The following TCF7L2 variants were observed in gnomAD, a reference collection of about 807,000 sequenced individuals.
The protein encoded by TCF7L2 is transcription factor 7 like 2.
A neutral mutation model predicts 77.9 loss-of-function variants in TCF7L2; 23 were observed. The observed-to-expected ratio is 0.30, with a 90% CI of 0.21 to 0.42. The LOEUF (loss-of-function observed/expected upper bound fraction) is 0.42. TCF7L2 is among the 10% of genes least tolerant of loss of function. The probability of loss-of-function intolerance (pLI) is 1.00; values close to 1 mark genes in which losing one functional copy is unlikely to be tolerated. For missense variants in TCF7L2, 654 were observed against 793.1 expected (o/e 0.82, Z 2.11); for synonymous variants, 413 against 340.2 (o/e 1.21, Z -2.36).
At chr10:113,125,218 C>CT (rs1199890455) in intron 5 of TCF7L2, among the ~76,000 whole-genome samples, 6 of 145,230 alleles carry the variant, frequency 4.1e-5, no homozygotes, top group South Asian at 4.5e-4. Flanking sequence ...GTTCTCTGTT[C>CT]TTTTTTTAAA....
chr10:113,159,849 TTCTC>T (rs1555151277), intron 12 of TCF7L2, 67 bp from the exon 14 acceptor site: 15 of 160,796 alleles, frequency 9.3e-5, no homozygotes, highest in Non-Finnish European at 1.4e-4. Flanking sequence ...CCCCCCCTCT[TTCTC>T]TCTCTCTCTC....
chr10:113,022,144 A>C (rs1327338510), intron 4 of TCF7L2, among the ~76,000 whole-genome samples: 1 of 152,166 alleles, frequency 6.6e-6, no homozygotes. Context: ...GCACATTGCA[A>C]AACCTCTTTG....
At chr10:113,124,293 A>G (rs1375822064) in intron 5 of TCF7L2, among the ~76,000 whole-genome samples, 4 of 152,162 alleles carry the variant, frequency 2.6e-5, no homozygotes, top group African/African-American at 9.7e-5. Flanking sequence ...CAAAACTCTA[A>G]TTTAGAATGT....
intron 12 of TCF7L2, among the ~76,000 whole-genome samples, 170 bp downstream of exon 13, chr10:113,158,887 G>GT (rs370713981): frequency 0.016 from 2,071 of 128,702 alleles, 47 homozygotes; most frequent in African/African-American, 0.051. Flanking sequence ...AGTTGCTTCT[G>GT]TTTTTTTTTT....
At chr10:113,027,391 G>A (rs914183794) in intron 4 of TCF7L2, among the ~76,000 whole-genome samples, 1 of 152,174 alleles carries the variant, frequency 6.6e-6, no homozygotes, top group Non-Finnish European at 1.5e-5. Flanking sequence ...GAGGGTGCCT[G>A]TCAACGATTC....
At chr10:113,128,982 A>C (rs532522777) in intron 5 of TCF7L2, among the ~76,000 whole-genome samples, 1 of 152,016 alleles carries the variant, frequency 6.6e-6, no homozygotes, top group African/African-American at 2.4e-5. Context: ...TTCCTGGGGA[A>C]AGCTCACAAA....
intron 5 of TCF7L2, among the ~76,000 whole-genome samples, chr10:113,069,155 A>G (rs1054886336): frequency 6.6e-6 from 1 of 151,210 alleles, no homozygotes; most frequent in Non-Finnish European, 1.5e-5. Context: ...GCCCCCTTGG[A>G]AGGGGATGGT....
At chr10:113,127,603 GCTGT>G (rs1329061850) in intron 5 of TCF7L2, among the ~76,000 whole-genome samples, 3 of 151,740 alleles carry the variant, frequency 2.0e-5, no homozygotes, top group Non-Finnish European at 4.4e-5. Context: ...TTTTGTTGTT[GCTGT>G]CTTTTTTTTT....
chr10:113,161,989 GAC>G (rs1408049908), intron 13 of TCF7L2, among the ~76,000 whole-genome samples: 1 of 152,234 alleles, frequency 6.6e-6, no homozygotes, highest in Non-Finnish European at 1.5e-5. Flanking sequence ...ATGTCCCTTT[GAC>G]ACAGTCCTGG....
intron 5 of TCF7L2, chr10:113,130,113 A>G (rs1475356754): frequency 2.6e-6 from 2 of 783,780 alleles, no homozygotes; most frequent in Non-Finnish European, 3.2e-6. Context: ...GAAGGAAAAA[A>G]CAAAACAAGA....
Position 112,992,417 on chromosome 10 carries a change from A to G in TCF7L2, c.450+27793A>G, listed in dbSNP as rs186990663. ...ACAGAGAGGCCTTTGTTGGAGCTGG[A>G]GGTGAGAATCTGTGGGCGTTGGGAT... On this transcript the variant is annotated intron_variant, in intron 4 of 13. Coordinates refer to ENST00000627217, the MANE Select transcript of TCF7L2 (RefSeq NM_001146274.2). Among the ~76,000 whole-genome samples the G allele has an allele frequency of 9.2e-5, 14 of 152,244 alleles. No individual in the cohort carries two copies. The East Asian group carries it at 2.7e-3, about 29-fold the overall frequency.
chr10:113,064,333 A>G (rs901836998), intron 5 of TCF7L2, among the ~76,000 whole-genome samples: 2 of 152,200 alleles, frequency 1.3e-5, no homozygotes, highest in Non-Finnish European at 1.5e-5. Context: ...GTTGGTGAAC[A>G]TGTAAATGCG....
intron 3 of TCF7L2, among the ~76,000 whole-genome samples, chr10:112,958,740 G>T (rs1265802795): frequency 1.3e-5 from 2 of 152,098 alleles, no homozygotes; most frequent in Non-Finnish European, 2.9e-5. Context: ...CTTTGGGTGG[G>T]TTGGTTTGTT....
intron 5 of TCF7L2, among the ~76,000 whole-genome samples, chr10:113,108,703 G>A (rs905171057): frequency 2.6e-5 from 4 of 152,184 alleles, no homozygotes; most frequent in Non-Finnish European, 4.4e-5. Context: ...CCTCTGCAGG[G>A]CCAGGGCGCT....
chr10:113,113,419 T>TG (rs1373254102), intron 5 of TCF7L2, among the ~76,000 whole-genome samples: 2 of 152,172 alleles, frequency 1.3e-5, no homozygotes, highest in Non-Finnish European at 2.9e-5. Flanking sequence ...CAGTGGCTAT[T>TG]TAGACATGAA....
chr10:112,955,025 C>G (rs1368143818), intron 3 of TCF7L2, among the ~76,000 whole-genome samples: 1 of 152,118 alleles, frequency 6.6e-6, no homozygotes, highest in Non-Finnish European at 1.5e-5. Flanking sequence ...ACAACATAAT[C>G]CTTTCTAATA....
chr10:113,155,582 TTG>T lies in TCF7L2; in HGVS notation c.1270-2433_1270-2432del, dbSNP rs1190869521. Among the ~76,000 whole-genome samples the T allele has an allele frequency of 2.0e-5, 3 of 152,320 alleles. No homozygotes were observed. In the East Asian group the frequency reaches 5.8e-4, roughly 29 times the overall value. ...GCTATATCCTAAAGGCACAGCTTCT[TTG>T]TGTGTAGAGGAATTTTCAGATGCCT... On this transcript the variant is annotated intron_variant, in intron 11 of 13. Transcript: ENST00000627217.
At chr10:113,050,211 CTTTG>C (rs2054181954) in intron 5 of TCF7L2, among the ~76,000 whole-genome samples, 1 of 152,182 alleles carries the variant, frequency 6.6e-6, no homozygotes, top group East Asian at 1.9e-4. Flanking sequence ...AGGCTTTACT[CTTTG>C]TCTTCCTGCT....
intron 4 of TCF7L2, among the ~76,000 whole-genome samples, chr10:113,031,295 A>G (rs2050164763): frequency 6.6e-6 from 1 of 152,176 alleles, no homozygotes; most frequent in Admixed American, 6.5e-5. Flanking sequence ...AATGGACTAC[A>G]TGCTGATTAT....
Sources: gnomAD v4.1 joint callset for allele counts (sites outside exome capture counted in the v4.1 genomes callset) on GRCh38, gnomAD v4.1.1 for gene constraint, MANE v1.5 for transcripts, NCBI Gene and HGNC (gene_info 2026-07-23, HGNC 2026-07-21) for gene names.